ZNF407: variants seen among roughly 807,000 people sequenced by gnomAD.
ZNF407 encodes the protein zinc finger protein 407.
A neutral mutation model predicts 131.2 loss-of-function variants in ZNF407; 17 were observed. The ratio of observed to expected loss-of-function variants is 0.13; its 90% CI spans 0.09 to 0.19. The LOEUF is 0.19. Ranked by LOEUF, ZNF407 falls within the 10% of genes least tolerant of loss-of-function variation. The probability of loss-of-function intolerance (pLI) is 1.00; values close to 1 mark genes in which losing one functional copy is unlikely to be tolerated. For missense variants in ZNF407, 2,681 were observed against 2,830.6 expected (o/e 0.95, Z 1.20); for synonymous variants, 1,156 against 1,062.0 (o/e 1.09, Z -1.72).
rs1458577606 is a variant in ZNF407, at chr18:74,877,272, G to A, written c.4953G>A (p.Thr1651=). ...TGAACAACCACATGAAACTCCACAC[G>A]GGAGAAAAGCCGTTTAAATGTACCT... ...WALNNHMKLH[T]GEKPFKCTWP... Residue 1651 remains threonine, a synonymous_variant, in exon 5 of 9, where the codon ACG becomes ACA. Coordinates refer to ENST00000299687, the MANE Select transcript of ZNF407 (RefSeq NM_017757.3). 8 of 1,613,964 alleles carry A rather than the reference G, an allele frequency of 5.0e-6. No homozygotes were observed. The highest frequency in any genetic ancestry group is 1.7e-4 in the Middle Eastern group (1 of 6,040).
At position 74,635,350 on chromosome 18, in the gene ZNF407, T is replaced by C; in HGVS notation, c.4331T>C (p.Phe1444Ser). 6.2e-7 allele frequency: 1 copy of C among 1,614,020 alleles called. No individual in the cohort carries two copies. Among genetic ancestry groups the C allele is most frequent in the Non-Finnish European group, 8.5e-7 (1 of 1,179,892 alleles). ...AMKHPTKEKHFHCLLCGKSFY... is the reference protein window; with the variant it reads ...AMKHPTKEKHSHCLLCGKSFY... Reference sequence around the variant, plus strand: ...AAGCATCCTACAAAAGAGAAGCACTTCCATTGTTTACTCTGTGGAAAGTCG... The same window carrying C: ...AAGCATCCTACAAAAGAGAAGCACTCCCATTGTTTACTCTGTGGAAAGTCG... Residue 1444 changes from phenylalanine to serine, a missense_variant, in exon 2 of 9, where the codon TTC becomes TCC. Around this residue, in one of 6 missense-constraint regions of ZNF407, gnomAD observed 1,789 missense variants for 1,748.7 expected, o/e 1.02. Transcript: ENST00000299687. The surrounding 1 kb of genome is among the most constrained non-coding windows in gnomAD (Gnocchi z 4.7).
chr18:74,974,002 T>G (rs1349239008), intron 8 of ZNF407, among the ~76,000 whole-genome samples: 2 of 152,170 alleles, frequency 1.3e-5, no homozygotes, highest in Non-Finnish European at 2.9e-5. Flanking sequence ...GATTAGAACT[T>G]TAACACATGA....
chr18:74,746,699 A>C lies in ZNF407; in HGVS notation c.4803-34729A>C, dbSNP rs761351419. 2.3e-4 allele frequency among the ~76,000 whole-genome samples: 35 copies of C among 152,098 alleles called. No individual in the cohort carries two copies. The Middle Eastern group carries it at 0.01, about 44-fold the overall frequency. On this transcript the variant is annotated intron_variant, in intron 3 of 8. Transcript: ENST00000299687. ...GTGGAAGGTCTTCAGGTGCGATAAC[A>C]GTTGTGGAACTGTCATCTGCTATGA...
intron 7 of ZNF407, among the ~76,000 whole-genome samples, chr18:74,912,983 C>T (rs1398052817): frequency 6.6e-6 from 1 of 152,188 alleles, no homozygotes; most frequent in Non-Finnish European, 1.5e-5. Context: ...GCAAGTTACA[C>T]CTTAAAAATT....
intron 4 of ZNF407, among the ~76,000 whole-genome samples, chr18:74,839,161 A>G (rs1970598249): frequency 6.6e-6 from 1 of 152,202 alleles, no homozygotes; most frequent in East Asian, 1.9e-4. Flanking sequence ...GGACTTTAAT[A>G]TTGTATTTAA....
At chr18:74,737,336 A>G (rs1409147664) in intron 3 of ZNF407, among the ~76,000 whole-genome samples, 1 of 152,244 alleles carries the variant, frequency 6.6e-6, no homozygotes, top group Non-Finnish European at 1.5e-5. Flanking sequence ...ACTCAGTGCT[A>G]ATGGTCTATC....
At position 74,634,776 on chromosome 18, in the gene ZNF407, A is replaced by G. The variant is rs1984358125; in HGVS notation, c.3757A>G (p.Thr1253Ala). Reference sequence around the variant, plus strand: ...CCCCCACAGACACCTGTGCCCTGTGACGCTCGATGGGGAGCGCTCGGCTGA... The same window carrying G: ...CCCCCACAGACACCTGTGCCCTGTGGCGCTCGATGGGGAGCGCTCGGCTGA... ...VVPHRHLCPV[T>A]LDGERSAESP... Residue 1253 changes from threonine to alanine, a missense_variant, in exon 2 of 9, where the codon ACG becomes GCG. Around this residue, in one of 6 missense-constraint regions of ZNF407, gnomAD observed 1,789 missense variants for 1,748.7 expected, o/e 1.02. Transcript: ENST00000299687. 1 of 1,613,928 alleles carries G rather than the reference A, an allele frequency of 6.2e-7. No homozygotes were observed.
At chr18:74,873,428 G>A (rs1314395079) in intron 4 of ZNF407, among the ~76,000 whole-genome samples, 4 of 152,186 alleles carry the variant, frequency 2.6e-5, no homozygotes, top group Non-Finnish European at 4.4e-5. Flanking sequence ...GCAGGTAGGT[G>A]AGCTAAGGCC....
Position 75,048,299 on chromosome 18 carries a change from G to A in ZNF407, c.5429-14851G>A, listed in dbSNP as rs1205696535. Among the ~76,000 whole-genome samples the A allele has an allele frequency of 1.3e-5, 2 of 152,186 alleles. No individual in the cohort carries two copies. Among genetic ancestry groups the A allele is most frequent in the African/African-American group, 4.8e-5 (2 of 41,438 alleles). On this transcript the variant is annotated intron_variant, in intron 8 of 8. Coordinates refer to ENST00000299687, the MANE Select transcript of ZNF407 (RefSeq NM_017757.3). This position sits in a 1 kb window ranked among gnomAD's most constrained non-coding sequence, Gnocchi z 4.1. ...CAGAGGCCTAATTTTTGTCTACATG[G>A]TATTTCTTTTTGGCATTTGCCATGG...
chr18:74,772,242 A>G (rs1969377225), intron 3 of ZNF407, among the ~76,000 whole-genome samples: 1 of 152,136 alleles, frequency 6.6e-6, no homozygotes, highest in South Asian at 2.1e-4. Context: ...GACATATAAA[A>G]CTGTTGTATA....
chr18:75,064,107 A>C lies in ZNF407; in HGVS notation c.6386A>C (p.Gln2129Pro). 6.3e-7 allele frequency: 1 copy of C among 1,594,396 alleles called. No individual in the cohort carries two copies. Among genetic ancestry groups the C allele is most frequent in the Non-Finnish European group, 8.5e-7 (1 of 1,170,990 alleles). The change falls in exon 9 of 9, where the codon CAG becomes CCG. Residue 2129 changes from glutamine to proline, a missense_variant. Transcript: ENST00000299687. ...EGAQIIMQEA[Q>P]GEHMDLVESD... ...GCCCAGATCATCATGCAGGAGGCGC[A>C]GGGCGAGCACATGGATCTGGTGGAG...
chr18:74,614,072 G>A (rs2144624899), intron 1 of ZNF407, among the ~76,000 whole-genome samples: 1 of 152,278 alleles, frequency 6.6e-6, no homozygotes, highest in East Asian at 1.9e-4. Flanking sequence ...ATGATTATTG[G>A]ATCACTTATA....
At position 74,634,994 on chromosome 18, in the gene ZNF407, A is replaced by G. The variant is rs746215734; in HGVS notation, c.3975A>G (p.Pro1325=). 6.2e-7 allele frequency: 1 copy of G among 1,614,046 alleles called. No individual in the cohort carries two copies. Among genetic ancestry groups the G allele is most frequent in the South Asian group, 1.1e-5 (1 of 91,092 alleles). ...AATTTATTTTGGAGGAGGATGGCCCAGCTTCTGATAGCACAGTTGAAAGTA... is the reference window on the plus strand; with the variant it reads ...AATTTATTTTGGAGGAGGATGGCCCGGCTTCTGATAGCACAGTTGAAAGTA... ...ETEFILEEDG[P]ASDSTVESSD... Residue 1325 remains proline, a synonymous_variant, in exon 2 of 9, where the codon CCA becomes CCG. Coordinates refer to ENST00000299687, the MANE Select transcript of ZNF407 (RefSeq NM_017757.3).
intron 8 of ZNF407, among the ~76,000 whole-genome samples, chr18:74,927,121 A>C (rs1275758780): frequency 1.3e-5 from 2 of 152,218 alleles, no homozygotes. Flanking sequence ...TCTGTGCCAA[A>C]CTTTTCTCTA....
chr18:74,622,400 C>T (rs1047899716), intron 1 of ZNF407, among the ~76,000 whole-genome samples: 11 of 152,340 alleles, frequency 7.2e-5, no homozygotes, highest in African/African-American at 2.2e-4. Context: ...CCTTGCAGCT[C>T]GCAGGGGGCT....
chr18:74,819,224 A>G (rs1970308061), intron 4 of ZNF407, among the ~76,000 whole-genome samples: 1 of 152,104 alleles, frequency 6.6e-6, no homozygotes, highest in African/African-American at 2.4e-5. Context: ...TATTCACACT[A>G]TGTGTTTGGT....
At chr18:74,618,332 C>T (rs983396282) in intron 1 of ZNF407, among the ~76,000 whole-genome samples, 9 of 152,268 alleles carry the variant, frequency 5.9e-5, no homozygotes, top group Non-Finnish European at 7.3e-5. Flanking sequence ...TTCTCCATGC[C>T]GGGTGTGCTC....
chr18:74,711,268 G>A (rs1375476066), intron 3 of ZNF407, among the ~76,000 whole-genome samples: 5 of 152,056 alleles, frequency 3.3e-5, no homozygotes, highest in Non-Finnish European at 7.4e-5. Context: ...CCTCATCCCC[G>A]GCACCTGTGA....
chr18:74,909,445 A>G (rs1477258003), intron 7 of ZNF407, among the ~76,000 whole-genome samples: 1 of 152,168 alleles, frequency 6.6e-6, no homozygotes, highest in Non-Finnish European at 1.5e-5. Context: ...CAACTGAAAA[A>G]GAAAATGTTC....
Sources: allele counts gnomAD v4.1 joint callset (sites outside exome capture counted in the v4.1 genomes callset), GRCh38; gene constraint gnomAD v4.1.1; regional missense constraint gnomAD v4.1.1; non-coding constraint Gnocchi (gnomAD v3.1); transcripts MANE v1.5; gene names NCBI Gene and HGNC (gene_info 2026-07-23, HGNC 2026-07-21).